Variants in RIC8B observed in about 807,000 individuals in gnomAD.
RIC8B encodes RIC8 guanine nucleotide exchange factor B.
In RIC8B, 16 loss-of-function variants were observed where a neutral mutation model predicts 57.5. That is an observed-to-expected ratio of 0.28 (90% CI 0.19 to 0.42). RIC8B has a LOEUF of 0.42. Among genes scored for constraint, RIC8B ranks in the 10% least tolerant of loss-of-function variants. RIC8B has a pLI of 1.00. For missense variants in RIC8B, 481 were observed against 677.0 expected (o/e 0.71, Z 3.21); for synonymous variants, 216 against 250.8 (o/e 0.86, Z 1.31).
intron 8 of RIC8B, among the ~76,000 whole-genome samples, chr12:106,865,314 C>A (rs1950097050): frequency 6.6e-6 from 1 of 152,092 alleles, no homozygotes. Context: ...TAATAGCCAT[C>A]CTAATGGGTG....
chr12:106,831,951 A>G (rs141849782), intron 4 of RIC8B, among the ~76,000 whole-genome samples: 1 of 152,126 alleles, frequency 6.6e-6, no homozygotes, highest in East Asian at 1.9e-4. Flanking sequence ...CACAATCTGC[A>G]TGACTTTGTA....
intron 9 of RIC8B, among the ~76,000 whole-genome samples, chr12:106,877,321 T>C (rs1171949895): frequency 1.3e-5 from 2 of 152,148 alleles, no homozygotes; most frequent in Non-Finnish European, 2.9e-5. Context: ...CCAGATTGTG[T>C]GCTATTGTGA....
intron 2 of RIC8B, among the ~76,000 whole-genome samples, chr12:106,797,031 G>A (rs1196508373): frequency 1.3e-5 from 2 of 152,158 alleles, no homozygotes; most frequent in South Asian, 2.1e-4. Context: ...GACAAGAACT[G>A]GAAGAAATCA....
intron 2 of RIC8B, among the ~76,000 whole-genome samples, chr12:106,805,463 C>CATAATG (rs1183790011): frequency 6.6e-6 from 1 of 152,144 alleles, no homozygotes; most frequent in Non-Finnish European, 1.5e-5. Context: ...CACCACTGCA[C>CATAATG]TCCAGCCTAG....
intron 1 of RIC8B, among the ~76,000 whole-genome samples, chr12:106,779,785 A>G (rs972986351): frequency 1.3e-5 from 2 of 150,640 alleles, no homozygotes; most frequent in African/African-American, 4.9e-5. Flanking sequence ...AACTTTAGTT[A>G]TAGAATGAAC....
chr12:106,865,336 C>A (rs1389440064), intron 8 of RIC8B, among the ~76,000 whole-genome samples: 1 of 152,118 alleles, frequency 6.6e-6, no homozygotes, highest in East Asian at 1.9e-4. Flanking sequence ...GAAGTCAGAG[C>A]TTATTTTAAC....
intron 8 of RIC8B, among the ~76,000 whole-genome samples, chr12:106,861,812 A>C (rs932373796): frequency 6.6e-6 from 1 of 152,116 alleles, no homozygotes; most frequent in African/African-American, 2.4e-5. Flanking sequence ...TTCTAAATTA[A>C]AGTAGCAATT....
chr12:106,805,682 T>G (rs959847418), intron 2 of RIC8B, among the ~76,000 whole-genome samples: 4 of 152,210 alleles, frequency 2.6e-5, no homozygotes, highest in Admixed American at 6.5e-5. Context: ...AAAATACAAA[T>G]CTAATGTCAT....
At chr12:106,814,633 A>G in intron 2 of RIC8B, 63 bp from the exon 3 acceptor site, 3 of 1,493,538 alleles carry the variant, frequency 2.0e-6, no homozygotes, top group Non-Finnish European at 2.7e-6. Context: ...TGGCAGAGAA[A>G]CATTCTGTGT....
At chr12:106,860,182 C>T (rs945739218) in intron 7 of RIC8B, 86 bp from the exon 8 acceptor site, 15 of 1,185,176 alleles carry the variant, frequency 1.3e-5, no homozygotes, top group South Asian at 1.9e-5. Context: ...TAGTGTGTGT[C>T]TTCAATCTTC....
chr12:106,872,246 A>C (rs1245726873), intron 9 of RIC8B, among the ~76,000 whole-genome samples: 1 of 152,240 alleles, frequency 6.6e-6, no homozygotes, highest in East Asian at 1.9e-4. Flanking sequence ...AGATACCGAT[A>C]GGGCAAACCT....
chr12:106,878,738 G>A (rs1348883446), intron 9 of RIC8B, among the ~76,000 whole-genome samples: 1 of 152,050 alleles, frequency 6.6e-6, no homozygotes, highest in Admixed American at 6.6e-5. Flanking sequence ...AAACAAGTAT[G>A]TAACAGAACC....
intron 2 of RIC8B, among the ~76,000 whole-genome samples, chr12:106,807,582 G>A (rs1048432992): frequency 2.0e-5 from 3 of 152,210 alleles, no homozygotes; most frequent in Non-Finnish European, 4.4e-5. Context: ...CTAGTGGCAA[G>A]AGCTCCATCA....
chr12:106,826,541 G>C (rs912884815), intron 4 of RIC8B, among the ~76,000 whole-genome samples: 1 of 152,024 alleles, frequency 6.6e-6, no homozygotes, highest in African/African-American at 2.4e-5. Context: ...ATCACTTGAG[G>C]ACAGGAGTTT....
intron 1 of RIC8B, chr12:106,775,535 T>G: frequency 3.0e-6 from 1 of 332,128 alleles, no homozygotes; most frequent in Non-Finnish European, 6.0e-6. Flanking sequence ...TGAGGTATTA[T>G]CTGCATTTTG....
chr12:106,830,927 G>C (rs2046328082), intron 4 of RIC8B, among the ~76,000 whole-genome samples: 1 of 152,012 alleles, frequency 6.6e-6, no homozygotes, highest in Non-Finnish European at 1.5e-5. Flanking sequence ...AATAATAATT[G>C]CTAATAGAAT....
At chr12:106,854,787 CA>C (rs202246427) in intron 7 of RIC8B, among the ~76,000 whole-genome samples, 2 of 151,182 alleles carry the variant, frequency 1.3e-5, no homozygotes, top group East Asian at 3.9e-4. Context: ...GACTCCGTCT[CA>C]AAAAAGAAAA....
At chr12:106,776,133 G>C (rs989670514) in intron 1 of RIC8B, among the ~76,000 whole-genome samples, 1 of 152,168 alleles carries the variant, frequency 6.6e-6, no homozygotes, top group Non-Finnish European at 1.5e-5. Flanking sequence ...ATAGAGCTGA[G>C]ATTTGAATTT....
chr12:106,843,049 A>C (rs916674495), intron 5 of RIC8B, among the ~76,000 whole-genome samples: 1 of 152,236 alleles, frequency 6.6e-6, no homozygotes, highest in African/African-American at 2.4e-5. Context: ...TGCAACACCA[A>C]AATTATGACT....
Sources: gnomAD v4.1 joint callset for allele counts (sites outside exome capture counted in the v4.1 genomes callset) on GRCh38, gnomAD v4.1.1 for gene constraint, MANE v1.5 for transcripts, NCBI Gene and HGNC (gene_info 2026-07-23, HGNC 2026-07-21) for gene names.